Variants in ABCC11 observed in about 807,000 individuals in gnomAD.
The protein encoded by ABCC11 is ATP-binding cassette sub-family C member 11.
ABCC11 carries 135 observed loss-of-function variants against 149.3 expected under a neutral mutation model. The observed-to-expected ratio is 0.90, with a 90% CI of 0.79 to 1.04. The LOEUF (loss-of-function observed/expected upper bound fraction) is 1.04, where lower values mean the gene tolerates loss of function less well. Ranked by LOEUF, ABCC11 falls within the 50% of genes least tolerant of loss-of-function variation. ABCC11 has a pLI of 0.00. For missense variants in ABCC11, 1,680 were observed against 1,722.1 expected, an observed-to-expected ratio of 0.98 and a Z score of 0.43; for synonymous variants, 665 against 671.4, an observed-to-expected ratio of 0.99 and a Z score of 0.15.
chr16:48,204,451 C>T (rs1968259601), intron 13 of ABCC11, among the ~76,000 whole-genome samples: 1 of 152,192 alleles, frequency 6.6e-6, no homozygotes, highest in Non-Finnish European at 1.5e-5. Flanking sequence ...ATGTAGGAGA[C>T]AGGCTTATTC....
chr16:48,224,175 G>A, intron 5 of ABCC11, 107 bp downstream of exon 5: 2 of 1,399,416 alleles, frequency 1.4e-6, no homozygotes, highest in South Asian at 1.4e-5. Flanking sequence ...GCAACTGAAA[G>A]ACAAATGCAT....
chr16:48,240,754 AAAAT>A (rs977303275), intron 1 of ABCC11, among the ~76,000 whole-genome samples: 1 of 152,032 alleles, frequency 6.6e-6, no homozygotes, highest in Admixed American at 6.5e-5. Context: ...AGTTGAAGGA[AAAAT>A]AAATAAATAA....
At chr16:48,174,145 T>C (rs1227746878) in intron 26 of ABCC11, among the ~76,000 whole-genome samples, 1 of 152,178 alleles carries the variant, frequency 6.6e-6, no homozygotes, top group Non-Finnish European at 1.5e-5. Context: ...ATCTAACAAT[T>C]ACCCCTTCAT....
intron 13 of ABCC11, 45 bp from the exon 14 acceptor site, chr16:48,203,345 C>A (rs138042618): frequency 1.3e-6 from 2 of 1,486,574 alleles, no homozygotes; most frequent in East Asian, 2.4e-5. Flanking sequence ...CCAGCCCTCC[C>A]GCCCATCACC....
intron 3 of ABCC11, among the ~76,000 whole-genome samples, chr16:48,228,888 T>C (rs1970252025): frequency 6.6e-6 from 1 of 152,158 alleles, no homozygotes; most frequent in Non-Finnish European, 1.5e-5. Flanking sequence ...ATTGGGATTA[T>C]GTGTCATTTT....
chr16:48,247,217 T>TAAAGAAAA (rs59629348), intron 1 of ABCC11, 97 bp downstream of exon 1: 4 of 141,824 alleles, frequency 2.8e-5, no homozygotes, highest in African/African-American at 1.1e-4. Flanking sequence ...ACACTCTACT[T>TAAAGAAAA]AAAAAAAAAA....
At chr16:48,234,670 G>T (rs981351212) in intron 1 of ABCC11, among the ~76,000 whole-genome samples, 2 of 152,224 alleles carry the variant, frequency 1.3e-5, no homozygotes, top group African/African-American at 4.8e-5. Flanking sequence ...CTTCCCAGAA[G>T]TGTCATAGTG....
Position 48,167,383 on chromosome 16 carries a change from G to A in ABCC11, c.4057-17C>T. The A allele has an allele frequency of 6.8e-7, 1 of 1,468,604 alleles. No homozygotes were observed. Among genetic ancestry groups the A allele is most frequent in the Non-Finnish European group, 9.5e-7 (1 of 1,047,348 alleles). 91.0% of individuals were successfully genotyped at this position (1,468,604 alleles called of 1,614,324 possible). A position where few individuals can be genotyped will look rare whatever the true frequency, so the allele number is the denominator to read the frequency against. On this transcript the variant is annotated splice_polypyrimidine_tract_variant and intron_variant, in intron 29 of 29. Coordinates refer to ENST00000356608, the MANE Select transcript of ABCC11 (RefSeq NM_001370497.1). The stretch of plus-strand genomic sequence containing the variant: ...TTCTACCACCTGGAGGGTAGAGAAA[G>A]GCGAGGGGAGGATCAGGGCACAGCT...
intron 18 of ABCC11, among the ~76,000 whole-genome samples, chr16:48,194,861 A>G (rs781771740): frequency 1.2e-4 from 18 of 152,210 alleles, no homozygotes; most frequent in African/African-American, 2.2e-4. Flanking sequence ...TTCTTTATAA[A>G]CTACCCAGTC....
chr16:48,193,748 G>T (rs944067556), intron 19 of ABCC11, 131 bp downstream of exon 19: 3 of 720,086 alleles, frequency 4.2e-6, no homozygotes, highest in Admixed American at 5.7e-5. Flanking sequence ...GGTTCTCTCT[G>T]GAACACCAGC....
rs200534357 is a variant in ABCC11, at chr16:48,175,310, A to C, written c.3646T>G (p.Ser1216Ala). The C allele has an allele frequency of 6.2e-7, 1 of 1,614,088 alleles. No homozygotes were observed. Among genetic ancestry groups the C allele is most frequent in the Non-Finnish European group, 8.5e-7 (1 of 1,179,944 alleles). Reference sequence around the variant, plus strand: ...TCTTGAGGGATCACTGAGAGCTTGGACCGCAAGTCCTCCAGGCCGATGCTG... The same window carrying C: ...TCTTGAGGGATCACTGAGAGCTTGGCCCGCAAGTCCTCCAGGCCGATGCTG... ...ICSIGLEDLR[S>A]KLSVIPQDPV... The change falls in exon 26 of 30, where the codon TCC (serine) becomes GCC (alanine). Residue 1216 changes from serine (S) to alanine (A), a missense_variant. Coordinates refer to ENST00000356608, the MANE Select transcript of ABCC11 (RefSeq NM_001370497.1).
At chr16:48,197,614 A>T (rs1967549358) in intron 17 of ABCC11, among the ~76,000 whole-genome samples, 2 of 152,120 alleles carry the variant, frequency 1.3e-5, no homozygotes, top group East Asian at 3.9e-4. Context: ...GATCCCTAAT[A>T]CCTTTGCTCT....
In ABCC11 at chr16:48,170,033, G is replaced by A. The variant is rs116768975; in HGVS notation, c.3891+72C>T. The A allele has an allele frequency of 2.0e-3, 2,435 of 1,231,880 alleles. 36 individuals are homozygous for A. The African/African-American group carries it at 0.033, about 17-fold the overall frequency. The allele number at this position is 1,231,880 out of a possible 1,614,324, so 76.3% of individuals were successfully genotyped here. A position where few individuals can be genotyped will look rare whatever the true frequency, so the allele number is the denominator to read the frequency against. ...GTGTCCCACGGTAGTGAAGGGAGAG[G>A]GAGCCGGTGTGGCTTCCCTCATCAT... On this transcript the variant is annotated intron_variant, in intron 28 of 29. Coordinates refer to ENST00000356608, the MANE Select transcript of ABCC11 (RefSeq NM_001370497.1).
Position 48,227,974 on chromosome 16 carries a change from G to A in ABCC11, c.237-10C>T, listed in dbSNP as rs764855141. The A allele has an allele frequency of 6.2e-7, 1 of 1,601,374 alleles. No homozygotes were observed. Among genetic ancestry groups the A allele is most frequent in the South Asian group, 1.1e-5 (1 of 90,042 alleles). ...CTGGGGGGCAGGAAACCTAGTAGAGGGGCCACAAGGATAAGAATGAATTCA... is the reference window on the plus strand; with the variant it reads ...CTGGGGGGCAGGAAACCTAGTAGAGAGGCCACAAGGATAAGAATGAATTCA... On this transcript the variant is annotated splice_polypyrimidine_tract_variant and intron_variant, in intron 3 of 29. Transcript: ENST00000356608.
chr16:48,215,224 C>A lies in ABCC11; in HGVS notation c.1072G>T (p.Glu358Ter), dbSNP rs150392452. The A allele has an allele frequency of 2.4e-5, 38 of 1,612,672 alleles. No homozygotes were observed. Among genetic ancestry groups the A allele is most frequent in the Non-Finnish European group, 3.1e-5 (37 of 1,178,910 alleles). ...TCAATGATTTTTGCAAATGGTTTCTCCCATGTGTACATTTTAATCAGCTTA... is the reference window on the plus strand; with the variant it reads ...TCAATGATTTTTGCAAATGGTTTCTACCATGTGTACATTTTAATCAGCTTA... Reference protein sequence around the residue: ...CIKLIKMYTWEKPFAKIIEDL... With the variant: ...CIKLIKMYTW The change falls in exon 8 of 30, where the codon GAG becomes TAG. Residue 358 changes from glutamate (E) to a stop codon, truncating the protein, a stop_gained. Transcript: ENST00000356608. LOFTEE classifies it high-confidence loss of function.
intron 1 of ABCC11, among the ~76,000 whole-genome samples, chr16:48,240,635 C>A (rs1567297595): frequency 6.6e-6 from 1 of 151,936 alleles, no homozygotes; most frequent in African/African-American, 2.4e-5. Flanking sequence ...ACATGTTTAC[C>A]TATGTAACAA....
chr16:48,179,225 C>G (rs988361878), intron 23 of ABCC11, among the ~76,000 whole-genome samples: 7 of 152,200 alleles, frequency 4.6e-5, no homozygotes, highest in African/African-American at 1.7e-4. Flanking sequence ...TCTCACTTTT[C>G]TGCTCCCTCA....
At chr16:48,215,055 A>G in intron 8 of ABCC11, 26 bp from the exon 9 acceptor site, 1 of 1,611,356 alleles carries the variant, frequency 6.2e-7, no homozygotes, top group Non-Finnish European at 8.5e-7. Context: ...GAAATACACC[A>G]AAGATAACCA....
At chr16:48,206,919 G>A (rs1032974924) in intron 12 of ABCC11, among the ~76,000 whole-genome samples, 10 of 152,186 alleles carry the variant, frequency 6.6e-5, no homozygotes, top group Non-Finnish European at 1.2e-4. Flanking sequence ...ACAGGACTTC[G>A]CATGTAAGTA....
Sources: allele counts gnomAD v4.1 joint callset (sites outside exome capture counted in the v4.1 genomes callset), GRCh38; gene constraint gnomAD v4.1.1; transcripts MANE v1.5; gene names NCBI Gene and HGNC (gene_info 2026-07-23, HGNC 2026-07-21).